Variants in MTAP observed in about 807,000 individuals in gnomAD.
MTAP encodes S-methyl-5'-thioadenosine phosphorylase.
A neutral mutation model predicts 33.6 loss-of-function variants in MTAP; 33 were observed. The observed-to-expected ratio is 0.98, with a 90% CI of 0.74 to 1.31. The LOEUF (loss-of-function observed/expected upper bound fraction) is 1.31. Ranked by LOEUF, MTAP falls within the 40% of genes most tolerant of loss-of-function variation. The pLI is 0.00. For missense variants in MTAP, 367 were observed against 360.0 expected (o/e 1.02, Z -0.16); for synonymous variants, 148 against 125.7 (o/e 1.18, Z -1.19).
At chr9:21,830,557 A>G (rs1362709880) in intron 4 of MTAP, among the ~76,000 whole-genome samples, 1 of 152,204 alleles carries the variant, frequency 6.6e-6, no homozygotes, top group Non-Finnish European at 1.5e-5. Context: ...TGGGGAAAGT[A>G]TTTGACCTTT....
intron 4 of MTAP, among the ~76,000 whole-genome samples, chr9:21,835,303 A>G (rs1825078694): frequency 6.6e-6 from 1 of 152,164 alleles, no homozygotes; most frequent in Non-Finnish European, 1.5e-5. Context: ...TTCAGACCAT[A>G]GCAGTAGGGA....
intron 1 of MTAP, among the ~76,000 whole-genome samples, chr9:21,898,645 C>G (rs1414462190): frequency 6.6e-6 from 1 of 152,200 alleles, no homozygotes; most frequent in African/African-American, 2.4e-5. Flanking sequence ...TTCATCATCA[C>G]TGGCCATCAG....
At chr9:21,805,750 A>T (rs565486255) in intron 1 of MTAP, among the ~76,000 whole-genome samples, 3 of 152,304 alleles carry the variant, frequency 2.0e-5, no homozygotes, top group African/African-American at 7.2e-5. Flanking sequence ...CCTTCCTCAG[A>T]CACTGAATCT....
At chr9:21,909,695 T>A (rs1196731810) in intron 1 of MTAP, among the ~76,000 whole-genome samples, 1 of 152,180 alleles carries the variant, frequency 6.6e-6, no homozygotes, top group African/African-American at 2.4e-5. Flanking sequence ...TTAAAATAAC[T>A]GTGCTAAGCA....
chr9:21,844,316 A>C (rs1046318338), intron 5 of MTAP, among the ~76,000 whole-genome samples: 1 of 152,218 alleles, frequency 6.6e-6, no homozygotes, highest in African/African-American at 2.4e-5. Context: ...AAGAACTGGT[A>C]CCAATCTTAC....
intron 1 of MTAP, among the ~76,000 whole-genome samples, chr9:21,885,820 G>C (rs557711859): frequency 1.4e-5 from 2 of 138,056 alleles, no homozygotes; most frequent in African/African-American, 5.5e-5. Context: ...GTGTGTGTGT[G>C]TATACAGATC....
chr9:21,908,079 ATCCCTGAAGTTG>A (rs1818503708), intron 1 of MTAP, among the ~76,000 whole-genome samples: 1 of 152,190 alleles, frequency 6.6e-6, no homozygotes, highest in South Asian at 2.1e-4. Context: ...CACCACAAGG[ATCCCTGAAGTTG>A]TTCTTTGATA....
intron 5 of MTAP, among the ~76,000 whole-genome samples, chr9:21,843,352 T>C (rs1825299334): frequency 6.6e-6 from 1 of 152,108 alleles, no homozygotes. Flanking sequence ...ACTAGACAGG[T>C]CCTCAAGACA....
Position 21,811,541 on chromosome 9 carries a change from A to G in MTAP, c.34-3892A>G, listed in dbSNP as rs1263583305. On this transcript the variant is annotated intron_variant, in intron 1 of 7. Transcript: ENST00000644715. ...ACAGCAAGCGCACATACACTAAGAC[A>G]TGGCTGTCATAGAACAGATTGTGCG... 9.2e-6 allele frequency: 3 copies of G among 325,170 alleles called. No homozygotes were observed. In the East Asian group the frequency reaches 2.3e-4, roughly 25 times the overall value. The allele number at this position is 325,170 out of a possible 1,614,324, so 20.1% of individuals were successfully genotyped here. A position where few individuals can be genotyped will look rare whatever the true frequency, so the allele number is the denominator to read the frequency against.
rs905411954 is a variant in MTAP at position 21,829,540 on chromosome 9, C to A, written c.348-8368C>A. Among the ~76,000 whole-genome samples the A allele has an allele frequency of 2.0e-5, 3 of 151,992 alleles. No homozygotes were observed. In the East Asian group the frequency reaches 5.8e-4, roughly 29 times the overall value. On this transcript the variant is annotated intron_variant, in intron 4 of 7. Coordinates refer to ENST00000644715, the MANE Select transcript of MTAP (RefSeq NM_002451.4). ...CACTGTGCCTGGCCAGGCTCCTTTTCCCTACACTGCCCGTGTATTCTCTCC... is the reference window on the plus strand; with the variant it reads ...CACTGTGCCTGGCCAGGCTCCTTTTACCTACACTGCCCGTGTATTCTCTCC...
chr9:21,831,778 G>C (rs1026098616), intron 4 of MTAP, among the ~76,000 whole-genome samples: 3 of 140,768 alleles, frequency 2.1e-5, no homozygotes, highest in Non-Finnish European at 4.8e-5. Flanking sequence ...ATGTTTTGCA[G>C]ATATTGATTT....
At chr9:21,874,880 T>C (rs1350958149) in intron 1 of MTAP, among the ~76,000 whole-genome samples, 1 of 152,092 alleles carries the variant, frequency 6.6e-6, no homozygotes, top group African/African-American at 2.4e-5. Flanking sequence ...GTATGTGATG[T>C]TCCCCTCCCT....
intron 1 of MTAP, among the ~76,000 whole-genome samples, chr9:21,924,432 A>G (rs532491890): frequency 3.4e-4 from 52 of 152,374 alleles, no homozygotes; most frequent in African/African-American, 1.2e-3. Flanking sequence ...AAGTGGAAGC[A>G]TAAATTTTAA....
intron 1 of MTAP, among the ~76,000 whole-genome samples, chr9:21,909,448 G>T (rs912922843): frequency 6.6e-6 from 1 of 152,098 alleles, no homozygotes; most frequent in Admixed American, 6.5e-5. Flanking sequence ...TAATGGTTTT[G>T]CTGTTCAGTA....
At chr9:21,839,188 T>TA (rs397727589) in intron 5 of MTAP, among the ~76,000 whole-genome samples, 8 of 150,346 alleles carry the variant, frequency 5.3e-5, no homozygotes, top group African/African-American at 1.9e-4. Context: ...TTTTTTTTTT[T>TA]AAAAAAGTGG....
downstream of MTAP, among the ~76,000 whole-genome samples, chr9:21,867,289 A>G (rs184235804): frequency 6.6e-6 from 1 of 152,270 alleles, no homozygotes; most frequent in African/African-American, 2.4e-5. Flanking sequence ...CTAGTTTTTC[A>G]CTATTAAAAT....
chr9:21,938,027 C>T (rs968263218), downstream of MTAP, among the ~76,000 whole-genome samples: 1 of 152,170 alleles, frequency 6.6e-6, no homozygotes. Flanking sequence ...AATCCTAGCA[C>T]TTTGAGAGGC....
intron 1 of MTAP, among the ~76,000 whole-genome samples, chr9:21,815,213 G>T (rs974357867): frequency 6.6e-6 from 1 of 152,156 alleles, no homozygotes; most frequent in Non-Finnish European, 1.5e-5. Context: ...CTACGTTTTG[G>T]TTACTTATAG....
intron 1 of MTAP, among the ~76,000 whole-genome samples, chr9:21,894,379 A>G (rs1214712360): frequency 2.0e-5 from 3 of 152,052 alleles, no homozygotes; most frequent in East Asian, 1.9e-4. Context: ...CTCCTAATCA[A>G]CATAGTACTG....
Sources: gnomAD v4.1 joint callset for allele counts (sites outside exome capture counted in the v4.1 genomes callset) on GRCh38, gnomAD v4.1.1 for gene constraint, MANE v1.5 for transcripts, NCBI Gene and HGNC (gene_info 2026-07-23, HGNC 2026-07-21) for gene names.